The following NAALADL2 variants were observed in gnomAD, a reference collection of about 807,000 sequenced individuals.
NAALADL2 encodes the protein N-acetylated alpha-linked acidic dipeptidase like 2, also known as inactive N-acetylated-alpha-linked acidic dipeptidase-like protein 2.
NAALADL2 carries 76 observed loss-of-function variants against 87.2 expected under a neutral mutation model. That is an observed-to-expected ratio of 0.87 (90% CI 0.72 to 1.05). The LOEUF (loss-of-function observed/expected upper bound fraction) is 1.05, where lower values mean the gene tolerates loss of function less well. Among genes scored for constraint, NAALADL2 ranks in the 50% least tolerant of loss-of-function variants. The pLI, the probability that NAALADL2 is intolerant of heterozygous loss-of-function variation, is 0.00. For missense variants in NAALADL2, 1,089 were observed against 945.8 expected, an observed-to-expected ratio of 1.15 and a Z score of -1.99; for synonymous variants, 354 against 331.0, an observed-to-expected ratio of 1.07 and a Z score of -0.75.
rs1757671931 is a variant in NAALADL2, at chr3:175,305,963, T to A, written c.940-18212T>A. Reference sequence around the variant, plus strand: ...TGCTTATTTTCACAAATCCTTAATTTTTTTAAGATTTTTTTGATAAAAAAC... The same window carrying A: ...TGCTTATTTTCACAAATCCTTAATTATTTTAAGATTTTTTTGATAAAAAAC... On this transcript the variant is annotated intron_variant, in intron 4 of 13. Coordinates refer to ENST00000454872, the MANE Select transcript of NAALADL2 (RefSeq NM_207015.3). Among the ~76,000 whole-genome samples, 6 of 152,274 alleles carry A rather than the reference T, an allele frequency of 3.9e-5. No individual in the cohort carries two copies. The South Asian group carries it at 1.2e-3, about 32-fold the overall frequency.
At chr3:175,455,717 G>C (rs1722227166) in intron 6 of NAALADL2, among the ~76,000 whole-genome samples, 3 of 152,034 alleles carry the variant, frequency 2.0e-5, no homozygotes. Flanking sequence ...TCTAGAAGCA[G>C]TTTATATTCA....
intron 2 of NAALADL2, among the ~76,000 whole-genome samples, chr3:174,670,525 T>A (rs1025748930): frequency 6.6e-6 from 1 of 152,022 alleles, no homozygotes; most frequent in South Asian, 2.1e-4. Flanking sequence ...CAACACAAAT[T>A]TATTAAGTAC....
At chr3:174,537,493 C>T (rs1043019771) in intron 1 of NAALADL2, among the ~76,000 whole-genome samples, 1 of 152,108 alleles carries the variant, frequency 6.6e-6, no homozygotes, top group Non-Finnish European at 1.5e-5. Flanking sequence ...CTATTAAGTG[C>T]CAGGTAGTTT....
At chr3:175,163,968 G>A (rs1733611008) in intron 2 of NAALADL2, among the ~76,000 whole-genome samples, 1 of 152,148 alleles carries the variant, frequency 6.6e-6, no homozygotes, top group African/African-American at 2.4e-5. Flanking sequence ...TTGGCATTTT[G>A]CCGGGAATAT....
At chr3:175,215,711 A>G (rs528554835) in intron 2 of NAALADL2, among the ~76,000 whole-genome samples, 86 of 152,288 alleles carry the variant, frequency 5.6e-4, no homozygotes, top group African/African-American at 1.9e-3. Context: ...ATACCTAATT[A>G]ATGAATTCAG....
intron 1 of NAALADL2, among the ~76,000 whole-genome samples, chr3:174,546,553 G>T (rs1197594891): frequency 1.3e-5 from 2 of 152,252 alleles, no homozygotes; most frequent in South Asian, 4.1e-4. Flanking sequence ...CTTATTGATG[G>T]CTTCCTCTGC....
chr3:175,767,306 C>G (rs895178322), intron 13 of NAALADL2, among the ~76,000 whole-genome samples: 2 of 152,110 alleles, frequency 1.3e-5, no homozygotes, highest in African/African-American at 4.8e-5. Context: ...GAAGTACTCA[C>G]CCCATAGTCT....
chr3:174,700,122 G>A (rs12494312), intron 2 of NAALADL2, among the ~76,000 whole-genome samples: 33,326 of 150,730 alleles, frequency 0.22, 5,390 homozygotes, highest in East Asian at 0.48. Context: ...AAAAAAAAAT[G>A]TATTTGCTGC....
intron 9 of NAALADL2, among the ~76,000 whole-genome samples, chr3:175,566,478 T>TATCA (rs1717163085): frequency 6.6e-6 from 1 of 152,128 alleles, no homozygotes; most frequent in African/African-American, 2.4e-5. Context: ...GATTGTTCAT[T>TATCA]ATCAGTGTGT....
At chr3:175,156,780 G>A (rs1022418243) in intron 2 of NAALADL2, among the ~76,000 whole-genome samples, 6 of 152,040 alleles carry the variant, frequency 3.9e-5, no homozygotes, top group African/African-American at 1.4e-4. Context: ...GGTTTATACA[G>A]CTGACCTACA....
chr3:174,464,523 G>T (rs1425699848), intron 1 of NAALADL2, among the ~76,000 whole-genome samples: 1 of 151,812 alleles, frequency 6.6e-6, no homozygotes, highest in Non-Finnish European at 1.5e-5. Flanking sequence ...CATAACAGTG[G>T]TGGGATAGTC....
At chr3:175,207,372 A>C (rs577932555) in intron 2 of NAALADL2, among the ~76,000 whole-genome samples, 1 of 152,250 alleles carries the variant, frequency 6.6e-6, no homozygotes, top group African/African-American at 2.4e-5. Flanking sequence ...CCATGATGGA[A>C]GTTATTACCA....
Position 175,380,154 on chromosome 3 carries a change from C to G in NAALADL2, c.1090+55829C>G, listed in dbSNP as rs142820708. Among the ~76,000 whole-genome samples, 290 of 152,046 alleles carry G rather than the reference C, an allele frequency of 1.9e-3. 1 individual carries two copies. The highest frequency in any genetic ancestry group is 6.7e-3 in the African/African-American group (277 of 41,454). On this transcript the variant is annotated intron_variant, in intron 5 of 13. Transcript: ENST00000454872. ...ACATGGCACATGTATGCATATGTAA[C>G]AAACCTGCATGTTGTGCACATGTAT...
intron 2 of NAALADL2, among the ~76,000 whole-genome samples, chr3:175,134,722 G>T (rs926467602): frequency 6.6e-6 from 1 of 152,084 alleles, no homozygotes; most frequent in Non-Finnish European, 1.5e-5. Flanking sequence ...ATACTGAGCA[G>T]GGAATAACTT....
At chr3:174,969,439 AT>A (rs1391703454) in intron 1 of NAALADL2, among the ~76,000 whole-genome samples, 2 of 152,224 alleles carry the variant, frequency 1.3e-5, no homozygotes, top group African/African-American at 4.8e-5. Flanking sequence ...CACCATTAAA[AT>A]TTCAGCCCTA....
At chr3:175,211,006 A>C (rs1199397854) in intron 2 of NAALADL2, among the ~76,000 whole-genome samples, 2 of 151,776 alleles carry the variant, frequency 1.3e-5, no homozygotes. Flanking sequence ...ATTCACAGGA[A>C]ATTAAATCTA....
At chr3:175,230,982 T>C (rs2109445732) in intron 2 of NAALADL2, among the ~76,000 whole-genome samples, 1 of 152,130 alleles carries the variant, frequency 6.6e-6, no homozygotes, top group South Asian at 2.1e-4. Context: ...TTGTTTACAA[T>C]AGTGAAAAGC....
upstream of NAALADL2, among the ~76,000 whole-genome samples, chr3:174,854,372 A>G (rs181562263): frequency 8.5e-5 from 13 of 152,306 alleles, no homozygotes; most frequent in East Asian, 2.5e-3. Context: ...GAAGATTACT[A>G]GTGGATGGGA....
chr3:174,605,008 C>T (rs964114176), intron 2 of NAALADL2, among the ~76,000 whole-genome samples: 2 of 152,118 alleles, frequency 1.3e-5, no homozygotes, highest in African/African-American at 4.8e-5. Flanking sequence ...CCACCTCAGC[C>T]TCCCAAAGTA....
Sources: gnomAD v4.1 joint callset for allele counts (sites outside exome capture counted in the v4.1 genomes callset) on GRCh38, gnomAD v4.1.1 for gene constraint, MANE v1.5 for transcripts, NCBI Gene and HGNC (gene_info 2026-07-23, HGNC 2026-07-21) for gene names.